Variants in TIA1 observed in about 807,000 individuals in gnomAD.
TIA1 encodes the protein cytotoxic granule associated RNA binding protein TIA1.
TIA1 carries 23 observed loss-of-function variants against 65.9 expected under a neutral mutation model. The observed-to-expected ratio is 0.35, with a 90% confidence interval of 0.25 to 0.49. The LOEUF is 0.49. TIA1 is among the 20% of genes least tolerant of loss of function. TIA1 has a pLI of 0.98. For missense variants in TIA1, 371 were observed against 477.9 expected (o/e 0.78, Z 2.09); for synonymous variants, 147 against 149.4 (o/e 0.98, Z 0.12).
At chr2:70,227,689 T>C (rs957285190) in intron 6 of TIA1, 46 bp downstream of exon 6, 1 of 1,276,550 alleles carries the variant, frequency 7.8e-7, no homozygotes, top group Non-Finnish European at 1.1e-6. Flanking sequence ...TGTCTACATA[T>C]AATTGTTTCT....
At chr2:70,230,417 G>A (rs1303702522) in intron 3 of TIA1, among the ~76,000 whole-genome samples, 1 of 151,988 alleles carries the variant, frequency 6.6e-6, no homozygotes, top group African/African-American at 2.4e-5. Flanking sequence ...TTGCGAAGCC[G>A]AGGCAGGCAG....
chr2:70,224,508 T>C, intron 7 of TIA1, 46 bp downstream of exon 7: 3 of 1,610,432 alleles, frequency 1.9e-6, no homozygotes, highest in Non-Finnish European at 2.5e-6. Flanking sequence ...AGTGTTTCCA[T>C]TCTTTACTCT....
chr2:70,239,364 T>C (rs945990611), intron 1 of TIA1, among the ~76,000 whole-genome samples: 5 of 152,118 alleles, frequency 3.3e-5, no homozygotes, highest in African/African-American at 1.2e-4. Context: ...AGTGTTTGGA[T>C]TACAGGCGTG....
In TIA1 at chr2:70,214,356, C is replaced by T. The variant is rs1409033743; in HGVS notation, c.1027G>A (p.Gly343Arg). The T allele has an allele frequency of 6.2e-7, 1 of 1,611,168 alleles. No homozygotes were observed. The change falls in exon 12 of 13, where the codon GGA (glycine) becomes AGA (arginine). Residue 343 changes from glycine (G) to arginine (R), a missense_variant. By Grantham distance (125) the Gly-to-Arg change is moderately radical (BLOSUM62 -2). Coordinates refer to ENST00000433529, the MANE Select transcript of TIA1 (RefSeq NM_022173.4). ...GACATAAGATATGCTTACTTAAATCCTTGCTGGTTCCATGCCTGGCCATAC... is the reference window on the plus strand; with the variant it reads ...GACATAAGATATGCTTACTTAAATCTTTGCTGGTTCCATGCCTGGCCATAC... ...GMYGQAWNQQGFNQTQSSAPW... is the reference protein window; with the variant it reads ...GMYGQAWNQQRFNQTQSSAPW...
At chr2:70,234,881 T>C (rs558250492) in intron 2 of TIA1, among the ~76,000 whole-genome samples, 1 of 151,950 alleles carries the variant, frequency 6.6e-6, no homozygotes, top group African/African-American at 2.4e-5. Context: ...TTTAAAAATA[T>C]TAAGTAAAAA....
At chr2:70,245,615 A>G (rs1276536028) in intron 1 of TIA1, among the ~76,000 whole-genome samples, 1 of 152,202 alleles carries the variant, frequency 6.6e-6, no homozygotes, top group Non-Finnish European at 1.5e-5. Context: ...AGTAGTATAC[A>G]TCACCCATAT....
chr2:70,243,960 C>A (rs1369518004), intron 1 of TIA1, among the ~76,000 whole-genome samples: 4 of 152,226 alleles, frequency 2.6e-5, no homozygotes, highest in Non-Finnish European at 5.9e-5. Context: ...TATACCACTA[C>A]TCTGCGTGAA....
chr2:70,214,191 T>G (rs1206748815), intron 12 of TIA1, among the ~76,000 whole-genome samples, 158 bp downstream of exon 12: 1 of 151,284 alleles, frequency 6.6e-6, no homozygotes, highest in African/African-American at 2.4e-5. Flanking sequence ...ATTAAGCTCT[T>G]ATTTTCTTAC....
At chr2:70,239,911 C>T (rs1690920431) in intron 1 of TIA1, among the ~76,000 whole-genome samples, 1 of 152,132 alleles carries the variant, frequency 6.6e-6, no homozygotes, top group Non-Finnish European at 1.5e-5. Context: ...AATCTAATAG[C>T]TCTAGTTTAG....
Position 70,216,268 on chromosome 2 carries a change from GAA to G in TIA1, c.702_703del (p.Ser235ThrfsTer14). The stretch of plus-strand genomic sequence containing the variant: ...AATTTCCATTATTTGTCCAAATGGT[GAA>G]AAAGTCTGACGCATTAGTTGTTCTG... On this transcript the variant is annotated frameshift_variant, in exon 10 of 13. Coordinates refer to ENST00000433529, the MANE Select transcript of TIA1 (RefSeq NM_022173.4). LOFTEE classifies it high-confidence loss of function. The G allele has an allele frequency of 6.3e-7, 1 of 1,594,140 alleles. No individual in the cohort carries two copies. Among genetic ancestry groups the G allele is most frequent in the South Asian group, 1.2e-5 (1 of 85,658 alleles).
intron 2 of TIA1, among the ~76,000 whole-genome samples, chr2:70,234,137 GAGA>G (rs1291110215): frequency 2.0e-5 from 3 of 152,188 alleles, no homozygotes; most frequent in African/African-American, 4.8e-5. Context: ...CAAACCAACA[GAGA>G]AGATTTATAT....
At chr2:70,234,339 G>A (rs997830545) in intron 2 of TIA1, among the ~76,000 whole-genome samples, 1 of 152,132 alleles carries the variant, frequency 6.6e-6, no homozygotes, top group African/African-American at 2.4e-5. Flanking sequence ...GGAAAGACTG[G>A]TTTTAAATTT....
At chr2:70,222,682 G>T (rs149420536) in intron 7 of TIA1, among the ~76,000 whole-genome samples, 13 of 152,318 alleles carry the variant, frequency 8.5e-5, no homozygotes, top group Non-Finnish European at 1.8e-4. Flanking sequence ...CTGGGAGGCC[G>T]AGGCAGGTGG....
chr2:70,245,854 G>A (rs926808982), intron 1 of TIA1, among the ~76,000 whole-genome samples: 1 of 151,026 alleles, frequency 6.6e-6, no homozygotes, highest in Non-Finnish European at 1.5e-5. Flanking sequence ...TAAAAATTCA[G>A]ACTCTATTTT....
In TIA1 at chr2:70,212,045, G is replaced by A. The variant is rs1676602969; in HGVS notation, c.*674C>T. 1 of 152,484 alleles carries A rather than the reference G, an allele frequency of 6.6e-6. No homozygotes were observed. The highest frequency in any genetic ancestry group is 6.6e-5 in the Admixed American group (1 of 15,260). The allele number at this position is 152,484 out of a possible 1,614,324, so 9.4% of individuals were successfully genotyped here. A position where few individuals can be genotyped will look rare whatever the true frequency, so the allele number is the denominator to read the frequency against. ...TTCTCATATAAAACACAAGATGAAT[G>A]CAATTATCAATCCATCTGAGAAAAG... On this transcript the variant is annotated 3_prime_UTR_variant, in exon 13 of 13. Transcript: ENST00000433529.
chr2:70,247,345 A>G (rs1034108187), intron 1 of TIA1, among the ~76,000 whole-genome samples: 8 of 152,244 alleles, frequency 5.3e-5, no homozygotes, highest in African/African-American at 1.9e-4. Context: ...AAACAATTAC[A>G]TCGTACTTCA....
intron 1 of TIA1, among the ~76,000 whole-genome samples, chr2:70,241,268 C>G (rs1272630077): frequency 2.6e-5 from 4 of 151,968 alleles, no homozygotes; most frequent in Non-Finnish European, 5.9e-5. Context: ...AGTGAAACCC[C>G]GTCTCTACTA....
At chr2:70,228,970 CT>C in intron 5 of TIA1, 88 bp downstream of exon 5, 1 of 339,684 alleles carries the variant, frequency 2.9e-6, no homozygotes, top group Non-Finnish European at 4.2e-6. Context: ...TCCCGCCCCC[CT>C]CCCCCAAATA....
At position 70,224,635 on chromosome 2, in the gene TIA1, A is replaced by G. The variant is rs777813761; in HGVS notation, c.399-6T>C. 2 of 1,613,056 alleles carry G rather than the reference A, an allele frequency of 1.2e-6. No homozygotes were observed. Among genetic ancestry groups the G allele is most frequent in the South Asian group, 2.2e-5 (2 of 90,994 alleles). On this transcript the variant is annotated splice_polypyrimidine_tract_variant and splice_region_variant and intron_variant, in intron 6 of 12. Transcript: ENST00000433529. ...CTTTTACCACTCGGGCATCTCTGAA[A>G]TCAGAAACAATCAGAAGTTTAGGTT...
Sources: allele counts gnomAD v4.1 joint callset (sites outside exome capture counted in the v4.1 genomes callset), GRCh38; gene constraint gnomAD v4.1.1; transcripts MANE v1.5; gene names NCBI Gene and HGNC (gene_info 2026-07-23, HGNC 2026-07-21).